Variants in FARS2 observed in about 807,000 individuals in gnomAD.
The protein encoded by FARS2 is phenylalanyl-tRNA synthetase 2, mitochondrial, also known as phenylalanine--tRNA ligase, mitochondrial.
FARS2 carries 40 observed loss-of-function variants against 46.4 expected under a neutral mutation model. The observed-to-expected ratio is 0.86, with a 90% CI of 0.67 to 1.12. FARS2 has a LOEUF of 1.12. FARS2 is among the 50% of genes most tolerant of loss of function. FARS2 has a pLI of 0.00. For missense variants in FARS2, 513 were observed against 567.9 expected (o/e 0.90, Z 0.98); for synonymous variants, 234 against 214.9 (o/e 1.09, Z -0.78).
At chr6:5,446,202 TAA>T (rs1277761196) in intron 4 of FARS2, among the ~76,000 whole-genome samples, 10 of 136,034 alleles carry the variant, frequency 7.4e-5, no homozygotes, top group Non-Finnish European at 9.6e-5. Context: ...GACTCCATCT[TAA>T]AAAAAAAAAA....
chr6:5,669,890 C>T (rs1778362817), intron 6 of FARS2, among the ~76,000 whole-genome samples: 2 of 152,170 alleles, frequency 1.3e-5, no homozygotes, highest in Non-Finnish European at 2.9e-5. Context: ...AACCCCACAC[C>T]TTCAGATCCC....
At chr6:5,251,742 T>C in the FARS2 span, among the ~76,000 whole-genome samples, 3 of 152,186 alleles carry the variant, frequency 2.0e-5, no homozygotes, top group East Asian at 1.9e-4. Context: ...AACTGTATCA[T>C]TGCATGCTAG....
chr6:5,349,416 G>T (rs1329936122), intron 1 of FARS2, among the ~76,000 whole-genome samples: 1 of 152,122 alleles, frequency 6.6e-6, no homozygotes, highest in South Asian at 2.1e-4. Flanking sequence ...TGACTTGTAG[G>T]TTTAATTCAA....
chr6:5,707,979 T>C (rs148673796), intron 6 of FARS2, among the ~76,000 whole-genome samples: 3 of 152,350 alleles, frequency 2.0e-5, no homozygotes, highest in African/African-American at 4.8e-5. Flanking sequence ...TCTTAGGGAC[T>C]GCCTCACAGG....
intron 3 of FARS2, among the ~76,000 whole-genome samples, chr6:5,406,762 C>T (rs1213043263): frequency 5.9e-5 from 9 of 151,264 alleles, no homozygotes; most frequent in African/African-American, 2.2e-4. Context: ...CGTACGTTTT[C>T]ACTCCTCATA....
At chr6:5,592,748 C>T (rs1773987149) in intron 5 of FARS2, among the ~76,000 whole-genome samples, 1 of 152,224 alleles carries the variant, frequency 6.6e-6, no homozygotes, top group Non-Finnish European at 1.5e-5. Context: ...ATATACCCTG[C>T]TTTGTCTCCC....
At chr6:5,653,154 T>C (rs1322561748) in intron 6 of FARS2, among the ~76,000 whole-genome samples, 3 of 152,192 alleles carry the variant, frequency 2.0e-5, no homozygotes, top group Non-Finnish European at 4.4e-5. Context: ...TATCAAGTGT[T>C]TATATATTGA....
In FARS2 at chr6:5,428,594, G is replaced by T. The variant is rs182035994; in HGVS notation, c.773-2447G>T. Among the ~76,000 whole-genome samples the T allele has an allele frequency of 3.5e-4, 53 of 152,296 alleles. No individual in the cohort carries two copies. The East Asian group carries it at 5.4e-3, about 16-fold the overall frequency. ...AAGATAGAAATTATTTTGTCTGTCAGTCCTTCTGCACTCACTTCCATGTCC... is the reference window on the plus strand; with the variant it reads ...AAGATAGAAATTATTTTGTCTGTCATTCCTTCTGCACTCACTTCCATGTCC... On this transcript the variant is annotated intron_variant, in intron 3 of 6. Coordinates refer to ENST00000274680, the MANE Select transcript of FARS2 (RefSeq NM_006567.5).
chr6:5,300,663 TTTTC>T (rs943969599), intron 1 of FARS2, among the ~76,000 whole-genome samples: 10 of 151,832 alleles, frequency 6.6e-5, no homozygotes, highest in South Asian at 2.1e-4. Context: ...GTCATTTCCT[TTTTC>T]TTTCTTTCTT....
At chr6:5,493,836 A>G (rs1371780762) in intron 4 of FARS2, among the ~76,000 whole-genome samples, 2 of 152,258 alleles carry the variant, frequency 1.3e-5, no homozygotes, top group Non-Finnish European at 2.9e-5. Flanking sequence ...TGACAGTTCA[A>G]TGACTTTATA....
intron 5 of FARS2, among the ~76,000 whole-genome samples, chr6:5,584,350 A>G (rs1368400768): frequency 6.6e-6 from 1 of 152,120 alleles, no homozygotes; most frequent in East Asian, 1.9e-4. Flanking sequence ...TTGCAACATC[A>G]TCATTTCTCC....
chr6:5,489,472 A>T (rs1052381223), intron 4 of FARS2, among the ~76,000 whole-genome samples: 1 of 152,194 alleles, frequency 6.6e-6, no homozygotes, highest in African/African-American at 2.4e-5. Flanking sequence ...AAATAAAATA[A>T]GACAATCATC....
At chr6:5,492,030 A>T (rs912330161) in intron 4 of FARS2, among the ~76,000 whole-genome samples, 1 of 152,202 alleles carries the variant, frequency 6.6e-6, no homozygotes, top group African/African-American at 2.4e-5. Context: ...AGATCACTAA[A>T]TGTGCAAAAG....
chr6:5,716,818 A>C (rs761438005), intron 6 of FARS2, among the ~76,000 whole-genome samples: 9 of 152,168 alleles, frequency 5.9e-5, no homozygotes, highest in Admixed American at 2.6e-4. Context: ...AATATGGGGG[A>C]GGGGGAATGG....
At chr6:5,531,115 G>A (rs191704975) in intron 4 of FARS2, among the ~76,000 whole-genome samples, 2 of 152,028 alleles carry the variant, frequency 1.3e-5, no homozygotes, top group Admixed American at 1.3e-4. Flanking sequence ...CTTTTTTTCT[G>A]AAAAGAAACT....
chr6:5,598,506 T>C (rs1177677602), intron 5 of FARS2, among the ~76,000 whole-genome samples: 1 of 152,232 alleles, frequency 6.6e-6, no homozygotes, highest in East Asian at 1.9e-4. Context: ...TAGACTATTT[T>C]CTGGAAGTAT....
intron 1 of FARS2, among the ~76,000 whole-genome samples, chr6:5,275,279 C>T (rs1345861374): frequency 6.6e-6 from 1 of 152,212 alleles, no homozygotes; most frequent in African/African-American, 2.4e-5. Context: ...TCACTCCAGT[C>T]ATGACTACTC....
chr6:5,262,605 A>G (rs925359224), intron 1 of FARS2, among the ~76,000 whole-genome samples: 2 of 152,204 alleles, frequency 1.3e-5, no homozygotes, highest in African/African-American at 4.8e-5. Context: ...TTAAAGGCAG[A>G]AAAAACACTT....
intron 6 of FARS2, among the ~76,000 whole-genome samples, chr6:5,688,572 G>A (rs1361741996): frequency 6.6e-6 from 1 of 152,212 alleles, no homozygotes; most frequent in East Asian, 1.9e-4. Flanking sequence ...TGGTGGATAA[G>A]CTTTTTGATG....
Sources: gnomAD v4.1 joint callset for allele counts (sites outside exome capture counted in the v4.1 genomes callset) on GRCh38, gnomAD v4.1.1 for gene constraint, MANE v1.5 for transcripts, NCBI Gene and HGNC (gene_info 2026-07-23, HGNC 2026-07-21) for gene names.